ARID3B: variants seen among roughly 807,000 people sequenced by gnomAD.
ARID3B encodes AT-rich interactive domain-containing protein 3B.
In ARID3B, 10 loss-of-function variants were observed where a neutral mutation model predicts 51.9. The observed-to-expected ratio is 0.19, with a 90% CI of 0.12 to 0.33. The LOEUF (loss-of-function observed/expected upper bound fraction) is 0.33, where lower values mean the gene tolerates loss of function less well. Among genes scored for constraint, ARID3B ranks in the 10% least tolerant of loss-of-function variants. ARID3B has a pLI of 1.00. For synonymous variants in ARID3B, 205 were observed against 279.5 expected, an observed-to-expected ratio of 0.73 and a Z score of 2.66; for missense variants, 483 against 716.3, an observed-to-expected ratio of 0.67 and a Z score of 3.72.
intron 4 of ARID3B, chr15:74,575,000 CAAAAAAAAAA>C (rs907146055): frequency 8.3e-4 from 44 of 52,762 alleles, no homozygotes; most frequent in African/African-American, 3.1e-3. Flanking sequence ...GACTCCATCT[CAAAAAAAAAA>C]AAAAAAAAAG....
At chr15:74,586,800 G>C (rs2061783438) in intron 4 of ARID3B, among the ~76,000 whole-genome samples, 1 of 152,208 alleles carries the variant, frequency 6.6e-6, no homozygotes, top group African/African-American at 2.4e-5. Flanking sequence ...AGTCCTCCTG[G>C]GATATCGGAT....
intron 4 of ARID3B, among the ~76,000 whole-genome samples, chr15:74,583,562 C>A (rs990567009): frequency 2.0e-5 from 3 of 151,498 alleles, no homozygotes; most frequent in Non-Finnish European, 4.4e-5. Flanking sequence ...ACTAAAAATG[C>A]AAAAATTAGC....
At position 74,597,472 on chromosome 15, in the gene ARID3B, C is replaced by G. The variant is rs1596267665; in HGVS notation, c.*1698C>G. ...GCAGCTCTGCTCAACTGCGTCTTCTCTCAGCCCTCCACACACACTCACCCC... is the reference window on the plus strand; with the variant it reads ...GCAGCTCTGCTCAACTGCGTCTTCTGTCAGCCCTCCACACACACTCACCCC... On this transcript the variant is annotated 3_prime_UTR_variant, in exon 9 of 9. Transcript: ENST00000346246. The G allele has an allele frequency of 3.8e-6, 2 of 524,312 alleles. No homozygotes were observed. 32.5% of individuals were successfully genotyped at this position (524,312 alleles called of 1,614,324 possible). A position where few individuals can be genotyped will look rare whatever the true frequency, so the allele number is the denominator to read the frequency against.
Position 74,593,138 on chromosome 15 carries a change from A to G in ARID3B, c.1421A>G (p.Glu474Gly). ...CCCACTGTCTCCCTGTCCCCAGCAG[A>G]AGACAGAGCAGAGGCCTCGGCTGCA... ...LPMKIRINGR[E>G]DRAEASAAAL... The change falls in exon 8 of 9, where the codon GAA (glutamate) becomes GGA (glycine). Residue 474 changes from glutamate to glycine, a missense_variant and splice_region_variant. By Grantham distance (98) the Glu-to-Gly change is moderately conservative. This residue lies in a region of ARID3B where 265 missense variants were observed against 354.4 expected (regional missense o/e 0.75). Transcript: ENST00000346246. 1 of 1,612,336 alleles carries G rather than the reference A, an allele frequency of 6.2e-7. No individual in the cohort carries two copies. Among genetic ancestry groups the G allele is most frequent in the Non-Finnish European group, 8.5e-7 (1 of 1,179,582 alleles).
chr15:74,549,085 CTTTTTTTTTA>C (rs776864905), intron 2 of ARID3B, among the ~76,000 whole-genome samples: 16 of 149,138 alleles, frequency 1.1e-4, no homozygotes, highest in Non-Finnish European at 2.2e-4. Context: ...CTTTTTTTTT[CTTTTTTTTTA>C]GACGGTGTCT....
intron 4 of ARID3B, among the ~76,000 whole-genome samples, chr15:74,577,145 A>C (rs1226304794): frequency 1.3e-5 from 2 of 152,070 alleles, no homozygotes; most frequent in African/African-American, 4.8e-5. Context: ...GAAAACTCTT[A>C]TCTGGTAGTC....
chr15:74,567,630 C>T (rs2061704228), intron 2 of ARID3B, among the ~76,000 whole-genome samples: 1 of 152,094 alleles, frequency 6.6e-6, no homozygotes, highest in South Asian at 2.1e-4. Context: ...AGATAGTCAT[C>T]CAGAGACAGG....
At chr15:74,579,864 TGTGTGTGTGCGCGC>T (rs1209806515) in intron 4 of ARID3B, among the ~76,000 whole-genome samples, 3 of 136,200 alleles carry the variant, frequency 2.2e-5, no homozygotes, top group Admixed American at 7.8e-5. Context: ...TGTGTGTGTG[TGTGTGTGTGCGCGC>T]GCGCGCACAC....
At chr15:74,595,522 C>T (rs2061821188) in intron 8 of ARID3B, 89 bp from the exon 9 acceptor site, 1 of 1,460,976 alleles carries the variant, frequency 6.8e-7, no homozygotes, top group Non-Finnish European at 9.3e-7. Context: ...CAGGCACAGG[C>T]TAGGCCAGCG....
chr15:74,547,557 C>T (rs1057378919), intron 2 of ARID3B, among the ~76,000 whole-genome samples: 2 of 152,136 alleles, frequency 1.3e-5, no homozygotes, highest in African/African-American at 4.8e-5. Flanking sequence ...ACAGAGGCTT[C>T]TTTGTGCCAG....
intron 4 of ARID3B, among the ~76,000 whole-genome samples, chr15:74,579,320 A>G (rs2141471011): frequency 6.6e-6 from 1 of 152,314 alleles, no homozygotes; most frequent in African/African-American, 2.4e-5. Flanking sequence ...CTGCGCATAA[A>G]GAAGCCTGAG....
chr15:74,587,607 G>T (rs867286944), intron 4 of ARID3B, among the ~76,000 whole-genome samples: 1 of 152,140 alleles, frequency 6.6e-6, no homozygotes, highest in Non-Finnish European at 1.5e-5. Flanking sequence ...GGGACCTGGG[G>T]AGTGGTCCTC....
rs992668756 is a variant in ARID3B at position 74,596,882 on chromosome 15, C to T, written c.*1108C>T. ...AAGCCAAGCAAGTGATTGGGTAACC[C>T]GGCCCCTCTGGCCCTTCCCTCAAGC... On this transcript the variant is annotated 3_prime_UTR_variant, in exon 9 of 9. Coordinates refer to ENST00000346246, the MANE Select transcript of ARID3B (RefSeq NM_006465.4). 23 of 233,580 alleles carry T rather than the reference C, an allele frequency of 9.8e-5. No homozygotes were observed. Among genetic ancestry groups the T allele is most frequent in the East Asian group, 7.8e-4 (13 of 16,584 alleles). 14.5% of individuals were successfully genotyped at this position (233,580 alleles called of 1,614,324 possible).
rs71137395 is a variant in ARID3B at position 74,570,462 on chromosome 15, CAAAAAAAAAAAAAAAAAAAAAAA to C, written c.553-2387_553-2365del. Among the ~76,000 whole-genome samples, 113 of 64,638 alleles carry C rather than the reference CAAAAAAAAAAAAAAAAAAAAAAA, an allele frequency of 1.7e-3. 6 individuals carry two copies. In the South Asian group the frequency reaches 0.021, roughly 12 times the overall value. The allele number at this position is 64,638 out of a possible 152,430, so 42.4% of individuals were successfully genotyped here. A position where few individuals can be genotyped will look rare whatever the true frequency, so the allele number is the denominator to read the frequency against. ...AGTGCTTGGAAGTTACTATAATTAG[CAAAAAAAAAAAAAAAAAAAAAAA>C]AAAAAAAAAAAAGTGTTTTCATCTC... On this transcript the variant is annotated intron_variant, in intron 2 of 8. Transcript: ENST00000346246.
rs562682147 is a variant in ARID3B at position 74,561,826 on chromosome 15, C to T, written c.553-11036C>T. 2.6e-5 allele frequency among the ~76,000 whole-genome samples: 4 copies of T among 152,302 alleles called. No individual in the cohort carries two copies. The South Asian group carries it at 8.3e-4, about 32-fold the overall frequency. On this transcript the variant is annotated intron_variant, in intron 2 of 8. Transcript: ENST00000346246. ...TATGGTGGTACAAAAGCCATGCACA[C>T]TCAGTAGAAACTACTTCAAGTACCC...
At chr15:74,551,933 A>G (rs1333985937) in intron 2 of ARID3B, among the ~76,000 whole-genome samples, 8 of 151,070 alleles carry the variant, frequency 5.3e-5, no homozygotes, top group Admixed American at 5.3e-4. Context: ...CCCTGACCTC[A>G]TTGATTTCTC....
rs2061725067 is a variant in ARID3B, at chr15:74,573,126, T to C, written c.625-6T>C. 2 of 1,613,898 alleles carry C rather than the reference T, an allele frequency of 1.2e-6. No individual in the cohort carries two copies. The highest frequency in any genetic ancestry group is 1.7e-6 in the Non-Finnish European group (2 of 1,179,970). On this transcript the variant is annotated splice_region_variant and splice_polypyrimidine_tract_variant and intron_variant, in intron 3 of 8. Transcript: ENST00000346246. ...GTGTGTTTTTCTTGGGGGATTGGGA[T>C]TGCAGCTGTATGAACTGGACGGTGA...
rs959722791 is a variant in ARID3B, at chr15:74,548,238, C to G, written c.552+3750C>G. 2.6e-5 allele frequency among the ~76,000 whole-genome samples: 4 copies of G among 152,246 alleles called. No homozygotes were observed. In the South Asian group the frequency reaches 8.3e-4, roughly 32 times the overall value. ...TGGCCTTTTGGGGGTGGTGTTCTCC[C>G]CCTCTGGTAGAAGGTGGTTCAAGCA... On this transcript the variant is annotated intron_variant, in intron 2 of 8. Transcript: ENST00000346246.
chr15:74,547,680 G>A (rs564989555), intron 2 of ARID3B, among the ~76,000 whole-genome samples: 19 of 152,232 alleles, frequency 1.2e-4, no homozygotes, highest in Non-Finnish European at 2.8e-4. Flanking sequence ...ATTTGATTCT[G>A]TCCTGAGTCT....
Sources: allele counts gnomAD v4.1 joint callset (sites outside exome capture counted in the v4.1 genomes callset), GRCh38; gene constraint gnomAD v4.1.1; regional missense constraint gnomAD v4.1.1; transcripts MANE v1.5; gene names NCBI Gene and HGNC (gene_info 2026-07-23, HGNC 2026-07-21).